The following PDE1A variants were observed in gnomAD, a reference collection of about 807,000 sequenced individuals.
PDE1A encodes the protein phosphodiesterase 1A, also known as dual specificity calcium/calmodulin-dependent 3',5'-cyclic nucleotide phosphodiesterase 1A.
In PDE1A, 35 loss-of-function variants were observed where a neutral mutation model predicts 61.7. That is an observed-to-expected ratio of 0.57 (90% CI 0.43 to 0.75). The LOEUF is 0.75. Ranked by LOEUF, PDE1A falls within the 30% of genes least tolerant of loss-of-function variation. The probability of loss-of-function intolerance (pLI) is 0.00; values close to 1 mark genes in which losing one functional copy is unlikely to be tolerated. For synonymous variants in PDE1A, 232 were observed against 213.2 expected (o/e 1.09, Z -0.77); for missense variants, 597 against 630.6 (o/e 0.95, Z 0.57).
downstream of PDE1A, chr2:182,146,946 G>A (rs1690527576): frequency 4.0e-6 from 2 of 502,700 alleles, no homozygotes; most frequent in South Asian, 8.2e-5. Context: ...ACTCTAGGAG[G>A]GCATTTAAAT....
At position 182,338,808 on chromosome 2, in the gene PDE1A, C is replaced by T. The variant is rs545707385; in HGVS notation, c.54-74394G>A. Among the ~76,000 whole-genome samples, 267 of 152,284 alleles carry T rather than the reference C, an allele frequency of 1.8e-3. 1 individual carries two copies. Among genetic ancestry groups the T allele is most frequent in the Non-Finnish European group, 1.5e-3 (102 of 68,032 alleles). On this transcript the variant is annotated intron_variant, in intron 1 of 13. Transcript: ENST00000351439. Reference sequence around the variant, plus strand: ...AAGTGCTGGGATTACAGGTGTGACCCGCTGTGCCCAGCCGGTTTTATTTTT... The same window carrying T: ...AAGTGCTGGGATTACAGGTGTGACCTGCTGTGCCCAGCCGGTTTTATTTTT...
chr2:182,555,546 T>G, the PDE1A span, among the ~76,000 whole-genome samples: 1 of 152,210 alleles, frequency 6.6e-6, no homozygotes, highest in African/African-American at 2.4e-5. Context: ...TTTCTTCACA[T>G]TTAAGAATAT....
At chr2:182,709,501 A>G in the PDE1A span, among the ~76,000 whole-genome samples, 74 of 152,232 alleles carry the variant, frequency 4.9e-4, no homozygotes, top group Admixed American at 1.8e-3. Flanking sequence ...CGAATTCAGT[A>G]TAGTAGACCA....
intron 2 of PDE1A, among the ~76,000 whole-genome samples, chr2:182,441,951 C>T (rs1684825100): frequency 6.6e-6 from 1 of 152,012 alleles, no homozygotes; most frequent in African/African-American, 2.4e-5. Flanking sequence ...GGTCCTCCTA[C>T]TGGAAAACAT....
intron 10 of PDE1A, among the ~76,000 whole-genome samples, chr2:182,191,686 C>T (rs1472620084): frequency 1.5e-5 from 2 of 137,790 alleles, no homozygotes; most frequent in East Asian, 2.3e-4. Flanking sequence ...TTAAATGCTG[C>T]TAAGCTATAT....
chr2:182,311,900 A>G (rs767396768), intron 1 of PDE1A, among the ~76,000 whole-genome samples: 4 of 152,172 alleles, frequency 2.6e-5, no homozygotes, highest in Non-Finnish European at 5.9e-5. Flanking sequence ...ACAGCATTAT[A>G]TAAGTTCTAG....
chr2:182,502,874 G>T lies in PDE1A; in HGVS notation c.101+19402C>A, dbSNP rs138957538. On this transcript the variant is annotated intron_variant, in intron 2 of 14. Coordinates refer to the PDE1A transcript ENST00000410103. The stretch of plus-strand genomic sequence containing the variant: ...ATGGAGCTACCCCAAACCCCACTGG[G>T]AATATGTGATGATTTTTGAAATAGG... Among the ~76,000 whole-genome samples the T allele has an allele frequency of 2.3e-3, 348 of 152,170 alleles. 3 individuals are homozygous for T. Among genetic ancestry groups the T allele is most frequent in the African/African-American group, 7.9e-3 (326 of 41,502 alleles).
chr2:182,163,334 C>A (rs549620434), downstream of PDE1A, among the ~76,000 whole-genome samples: 398 of 152,270 alleles, frequency 2.6e-3, no homozygotes, highest in African/African-American at 9.2e-3. Flanking sequence ...AGCAATATAC[C>A]TTTGCCCTCC....
chr2:182,611,354 A>C, the PDE1A span, among the ~76,000 whole-genome samples: 1 of 152,242 alleles, frequency 6.6e-6, no homozygotes, highest in Non-Finnish European at 1.5e-5. Flanking sequence ...CAAAGAGAAC[A>C]AACCACCCCT....
chr2:182,354,318 A>G (rs970687636), intron 1 of PDE1A, among the ~76,000 whole-genome samples: 1 of 152,156 alleles, frequency 6.6e-6, no homozygotes, highest in African/African-American at 2.4e-5. Context: ...CCACCACTAT[A>G]GAATCTACCC....
intron 1 of PDE1A, among the ~76,000 whole-genome samples, chr2:182,413,557 T>C (rs1292303140): frequency 6.6e-6 from 1 of 152,132 alleles, no homozygotes; most frequent in African/African-American, 2.4e-5. Context: ...CAGGGAAGTG[T>C]TTTATGCTGT....
At chr2:182,342,983 A>G (rs1189551466) in intron 1 of PDE1A, among the ~76,000 whole-genome samples, 1 of 152,230 alleles carries the variant, frequency 6.6e-6, no homozygotes, top group African/African-American at 2.4e-5. Flanking sequence ...ATGCGTTCAC[A>G]TATGTTTGTG....
intron 2 of PDE1A, among the ~76,000 whole-genome samples, chr2:182,255,556 C>T (rs939778650): frequency 3.3e-5 from 5 of 152,076 alleles, no homozygotes; most frequent in Admixed American, 2.0e-4. Context: ...GTGAGTCTTT[C>T]GGATTTTACA....
intron 13 of PDE1A, among the ~76,000 whole-genome samples, chr2:182,169,486 C>T (rs975668107): frequency 6.6e-6 from 1 of 151,786 alleles, no homozygotes; most frequent in Non-Finnish European, 1.5e-5. Flanking sequence ...AGATATGACA[C>T]ACAGAAAGAA....
chr2:182,651,868 T>C, the PDE1A span, among the ~76,000 whole-genome samples: 3 of 152,222 alleles, frequency 2.0e-5, no homozygotes, highest in African/African-American at 4.8e-5. Context: ...TAGGAATATG[T>C]GAAGCCTAAA....
intron 1 of PDE1A, among the ~76,000 whole-genome samples, chr2:182,404,641 T>C (rs1459471102): frequency 6.6e-6 from 1 of 151,400 alleles, no homozygotes; most frequent in African/African-American, 2.4e-5. Flanking sequence ...AAACTTGTAT[T>C]TTTTTTTTAC....
chr2:182,543,023 G>A, the PDE1A span, among the ~76,000 whole-genome samples: 2 of 152,080 alleles, frequency 1.3e-5, no homozygotes, highest in African/African-American at 4.8e-5. Context: ...GTGTTTTTGT[G>A]AGTGTACTCT....
At chr2:182,260,723 G>A (rs903540707) in intron 2 of PDE1A, among the ~76,000 whole-genome samples, 2 of 152,154 alleles carry the variant, frequency 1.3e-5, no homozygotes, top group East Asian at 1.9e-4. Flanking sequence ...ACTACTGAAG[G>A]CAGAATTGGA....
chr2:182,520,477 T>C (rs991519406), intron 2 of PDE1A, among the ~76,000 whole-genome samples: 1 of 151,948 alleles, frequency 6.6e-6, no homozygotes, highest in African/African-American at 2.4e-5. Context: ...TGTACATATT[T>C]TCATATATCC....
Sources: allele counts gnomAD v4.1 joint callset (sites outside exome capture counted in the v4.1 genomes callset), GRCh38; gene constraint gnomAD v4.1.1; transcripts MANE v1.5; gene names NCBI Gene and HGNC (gene_info 2026-07-23, HGNC 2026-07-21).